Variants in OR3A2 observed in about 807,000 individuals in gnomAD.
OR3A2 encodes the protein olfactory receptor 3A2.
For missense variants in OR3A2, 318 were observed against 392.8 expected, an observed-to-expected ratio of 0.81 and a Z score of 1.61; for synonymous variants, 126 against 159.3, an observed-to-expected ratio of 0.79 and a Z score of 1.57.
At chr17:3,327,960 C>A (rs1421684447) in intron 3 of OR3A2, among the ~76,000 whole-genome samples, 1 of 127,930 alleles carries the variant, frequency 7.8e-6, no homozygotes, top group Non-Finnish European at 1.6e-5. Context: ...GTTACTGTAG[C>A]CTTGTAGTAT....
At chr17:3,294,192 TAAG>T (rs776995612) in intron 3 of OR3A2, among the ~76,000 whole-genome samples, 12 of 151,062 alleles carry the variant, frequency 7.9e-5, no homozygotes, top group African/African-American at 1.2e-4. Context: ...AAAAAAAACT[TAAG>T]GAGGCATTTT....
intron 2 of OR3A2, among the ~76,000 whole-genome samples, chr17:3,349,373 G>T (rs965154558): frequency 6.6e-6 from 1 of 151,900 alleles, no homozygotes; most frequent in African/African-American, 2.4e-5. Flanking sequence ...AAAGGCAGGG[G>T]TTGCAATCCT....
chr17:3,367,321 G>A (rs1056327437), intron 2 of OR3A2, among the ~76,000 whole-genome samples: 1 of 152,050 alleles, frequency 6.6e-6, no homozygotes, highest in African/African-American at 2.4e-5. Context: ...ACCAAGCAGT[G>A]AACACTGTAC....
chr17:3,332,548 C>T (rs1440550728), intron 3 of OR3A2, among the ~76,000 whole-genome samples: 1 of 152,226 alleles, frequency 6.6e-6, no homozygotes, highest in African/African-American at 2.4e-5. Context: ...AATGCCTCGC[C>T]CTGCTTCAGC....
chr17:3,358,750 T>C (rs1174190101), intron 2 of OR3A2, among the ~76,000 whole-genome samples: 1 of 151,816 alleles, frequency 6.6e-6, no homozygotes, highest in Non-Finnish European at 1.5e-5. Flanking sequence ...GAATGTATAT[T>C]CTATTGTTTT....
intron 3 of OR3A2, among the ~76,000 whole-genome samples, chr17:3,334,161 T>A (rs918610171): frequency 6.6e-6 from 1 of 152,100 alleles, no homozygotes; most frequent in South Asian, 2.1e-4. Flanking sequence ...TTAGTGGGAG[T>A]GTAAATTAGT....
chr17:3,349,137 C>G (rs1021823177), intron 2 of OR3A2, among the ~76,000 whole-genome samples: 1 of 152,018 alleles, frequency 6.6e-6, no homozygotes, highest in Admixed American at 6.6e-5. Flanking sequence ...CGTGCAAAAT[C>G]ACCAGCTAAC....
intron 2 of OR3A2, among the ~76,000 whole-genome samples, chr17:3,375,164 T>C (rs1244235569): frequency 6.0e-5 from 7 of 116,288 alleles, no homozygotes; most frequent in East Asian, 4.8e-4. Context: ...TTTTTTTTTT[T>C]TTTTTCTTTT....
intron 2 of OR3A2, among the ~76,000 whole-genome samples, chr17:3,352,575 T>C (rs1351967792): frequency 6.6e-6 from 1 of 152,014 alleles, no homozygotes; most frequent in Admixed American, 6.6e-5. Flanking sequence ...AGTGTTTGTT[T>C]CTGAGTTCTC....
intron 2 of OR3A2, among the ~76,000 whole-genome samples, chr17:3,359,390 T>G (rs758156279): frequency 5.3e-5 from 8 of 151,772 alleles, no homozygotes; most frequent in Non-Finnish European, 1.2e-4. Flanking sequence ...TGTTTAAGTA[T>G]GTTTTTGTAT....
chr17:3,325,739 A>T (rs2150638418), intron 3 of OR3A2, among the ~76,000 whole-genome samples: 1 of 152,192 alleles, frequency 6.6e-6, no homozygotes, highest in East Asian at 1.9e-4. Flanking sequence ...GTAAAAATTG[A>T]GGTAAGATAT....
chr17:3,363,776 A>G (rs79550825), intron 2 of OR3A2, among the ~76,000 whole-genome samples: 2,013 of 152,182 alleles, frequency 0.013, 36 homozygotes, highest in African/African-American at 0.045. Context: ...CTGCAGGCTT[A>G]GCAAAAAGCA....
At chr17:3,383,735 C>G (rs1026007035) in intron 2 of OR3A2, 2 of 152,086 alleles carry the variant, frequency 1.3e-5, no homozygotes, top group African/African-American at 2.4e-5. Flanking sequence ...GATGATTTCC[C>G]TGGGACGGCA....
intron 3 of OR3A2, among the ~76,000 whole-genome samples, chr17:3,331,035 T>C (rs2049227960): frequency 6.6e-6 from 1 of 152,220 alleles, no homozygotes; most frequent in African/African-American, 2.4e-5. Context: ...ATGTTGACTA[T>C]TGGCCCCCAC....
chr17:3,340,030 T>C (rs752067755), intron 2 of OR3A2, among the ~76,000 whole-genome samples: 2 of 152,224 alleles, frequency 1.3e-5, no homozygotes, highest in African/African-American at 4.8e-5. Context: ...AATTTATCCA[T>C]TTCTTCTAGA....
At chr17:3,367,252 T>A (rs554526328) in intron 2 of OR3A2, among the ~76,000 whole-genome samples, 1 of 152,118 alleles carries the variant, frequency 6.6e-6, no homozygotes, top group Admixed American at 6.5e-5. Context: ...GAAAAGGTGG[T>A]TTTTGGTTAC....
intron 3 of OR3A2, among the ~76,000 whole-genome samples, chr17:3,331,216 T>C (rs1031926967): frequency 3.4e-4 from 52 of 151,910 alleles, no homozygotes; most frequent in African/African-American, 1.1e-3. Context: ...TCTCAAGGAG[T>C]AACTTTGTGG....
intron 2 of OR3A2, among the ~76,000 whole-genome samples, chr17:3,367,599 G>GTATATATATTATATATATATATATATATA (rs201439962): frequency 1.2e-5 from 1 of 85,966 alleles, no homozygotes; most frequent in Non-Finnish European, 2.3e-5. Context: ...GTGTGTGTGT[G>GTATATATATTATATATATATATATATATA]TGTATATATA....
downstream of OR3A2, among the ~76,000 whole-genome samples, chr17:3,276,410 G>C (rs2048735316): frequency 6.6e-6 from 1 of 152,212 alleles, no homozygotes; most frequent in Non-Finnish European, 1.5e-5. Context: ...ACAATTGTCA[G>C]AGGCGTAAAC....
Sources: allele counts gnomAD v4.1 joint callset (sites outside exome capture counted in the v4.1 genomes callset), GRCh38; gene constraint gnomAD v4.1.1; transcripts MANE v1.5; gene names NCBI Gene and HGNC (gene_info 2026-07-23, HGNC 2026-07-21).